BTC: variants seen among roughly 807,000 people sequenced by gnomAD.
BTC encodes the protein betacellulin, also known as probetacellulin.
BTC carries 13 observed loss-of-function variants against 18.1 expected under a neutral mutation model. That is an observed-to-expected ratio of 0.72 (90% CI 0.47 to 1.14). BTC has a LOEUF of 1.14. BTC is among the 50% of genes most tolerant of loss of function. The pLI, the probability that BTC is intolerant of heterozygous loss-of-function variation, is 0.00. For synonymous variants in BTC, 83 were observed against 79.4 expected (o/e 1.05, Z -0.24); for missense variants, 247 against 224.2 (o/e 1.10, Z -0.65).
intron 3 of BTC, among the ~76,000 whole-genome samples, chr4:74,753,139 G>A (rs1724508503): frequency 6.6e-6 from 1 of 152,116 alleles, no homozygotes. Context: ...ATTAAATGGT[G>A]ACTAAGTGGG....
Position 74,766,982 on chromosome 4 carries a change from A to T in BTC, c.163+3076T>A, listed in dbSNP as rs1487602678. Among the ~76,000 whole-genome samples the T allele has an allele frequency of 2.0e-5, 3 of 152,094 alleles. No homozygotes were observed. The South Asian group carries it at 6.2e-4, about 32-fold the overall frequency. The stretch of plus-strand genomic sequence containing the variant: ...CTAACATGGTACTTAATGGTAAAAA[A>T]TTAGAAAGCTTTTCCTCCAAGATCA... On this transcript the variant is annotated intron_variant, in intron 2 of 5. Transcript: ENST00000395743.
chr4:74,751,534 C>A (rs1488673755), intron 3 of BTC, among the ~76,000 whole-genome samples: 24 of 152,188 alleles, frequency 1.6e-4, no homozygotes. Flanking sequence ...AATCAACAGT[C>A]TCTCTTCATT....
chr4:74,780,631 C>G (rs1334523709), intron 1 of BTC, among the ~76,000 whole-genome samples: 1 of 152,074 alleles, frequency 6.6e-6, no homozygotes, highest in Non-Finnish European at 1.5e-5. Context: ...TTTATTTTTA[C>G]CCTTCATAGT....
chr4:74,778,077 T>A (rs74503358), intron 1 of BTC, among the ~76,000 whole-genome samples: 4,823 of 151,890 alleles, frequency 0.032, 242 homozygotes, highest in African/African-American at 0.11. Context: ...TAACACTGAG[T>A]TTGTGGTTAG....
intron 2 of BTC, among the ~76,000 whole-genome samples, chr4:74,765,384 AAGAC>A (rs1310434777): frequency 6.6e-5 from 10 of 152,236 alleles, no homozygotes; most frequent in South Asian, 2.1e-4. Context: ...TGTCAAGCGA[AAGAC>A]AGAATCAGCA....
At chr4:74,766,018 T>G (rs989050881) in intron 2 of BTC, among the ~76,000 whole-genome samples, 3 of 152,156 alleles carry the variant, frequency 2.0e-5, no homozygotes, top group African/African-American at 4.8e-5. Context: ...TACTGAATAC[T>G]GTAAGCAATC....
chr4:74,756,022 T>C (rs201624037), intron 2 of BTC, 46 bp from the exon 3 acceptor site: 2 of 1,409,562 alleles, frequency 1.4e-6, no homozygotes, highest in Admixed American at 1.7e-5. Context: ...CTTTAAATAT[T>C]CACTTGTAAA....
Position 74,770,084 on chromosome 4 carries a change from C to T in BTC, c.137G>A (p.Cys46Tyr), listed in dbSNP as rs571393814. Residue 46 changes from cysteine (C) to tyrosine (Y), a missense_variant, in exon 2 of 6, where the codon TGT becomes TAT. Cys to Tyr is a radical substitution (Grantham distance 194). Transcript: ENST00000395743. ...TRSPETNGLL[C>Y]GDPEENCAAT... ...TGCACAGTTTTCCTCAGGGTCTCCA[C>T]AGAGGAGGCCATTAGTTTCAGGACT... The T allele has an allele frequency of 1.2e-6, 2 of 1,613,144 alleles. No homozygotes were observed. The highest frequency in any genetic ancestry group is 1.1e-5 in the South Asian group (1 of 90,956).
intron 3 of BTC, among the ~76,000 whole-genome samples, chr4:74,753,827 G>T (rs55713153): frequency 3.9e-5 from 5 of 128,832 alleles, no homozygotes; most frequent in Admixed American, 7.7e-5. Flanking sequence ...TCCAAAAAAA[G>T]AAAAAAAAAA....
chr4:74,788,127 AG>A (rs1725529843), intron 1 of BTC, among the ~76,000 whole-genome samples: 1 of 152,202 alleles, frequency 6.6e-6, no homozygotes, highest in Non-Finnish European at 1.5e-5. Flanking sequence ...TCCAATTCCT[AG>A]GATATCCTGC....
intron 2 of BTC, among the ~76,000 whole-genome samples, chr4:74,769,384 AC>A (rs1724981944): frequency 6.6e-6 from 1 of 152,156 alleles, no homozygotes; most frequent in African/African-American, 2.4e-5. Context: ...TGTTTCTCTA[AC>A]TAAAGTTTTA....
chr4:74,792,896 C>T (rs1227212047), intron 1 of BTC, among the ~76,000 whole-genome samples: 1 of 152,218 alleles, frequency 6.6e-6, no homozygotes, highest in African/African-American at 2.4e-5. Flanking sequence ...GCTTGCATAT[C>T]CAAATTCAGT....
At chr4:74,779,886 A>C (rs7655399) in intron 1 of BTC, among the ~76,000 whole-genome samples, 27,240 of 152,106 alleles carry the variant, frequency 0.18, 4,056 homozygotes, top group African/African-American at 0.41. Context: ...ATATAAATAA[A>C]GAAATATTAG....
At chr4:74,774,693 G>A (rs1393608164) in intron 1 of BTC, among the ~76,000 whole-genome samples, 1 of 145,294 alleles carries the variant, frequency 6.9e-6, no homozygotes, top group Non-Finnish European at 1.5e-5. Context: ...GAGGGTGGGT[G>A]GGGATTGTGA....
chr4:74,751,669 C>G (rs1456299778), intron 3 of BTC, among the ~76,000 whole-genome samples: 1 of 152,096 alleles, frequency 6.6e-6, no homozygotes, highest in Non-Finnish European at 1.5e-5. Context: ...GAGTAACATC[C>G]AGGGAGCTAA....
At chr4:74,756,548 GA>G (rs1345822976) in intron 2 of BTC, among the ~76,000 whole-genome samples, 1 of 152,170 alleles carries the variant, frequency 6.6e-6, no homozygotes, top group Non-Finnish European at 1.5e-5. Flanking sequence ...ATAGAAAGTG[GA>G]AAAACTGGGA....
intron 4 of BTC, 37 bp from the exon 5 acceptor site, chr4:74,748,186 G>A (rs375081930): frequency 6.4e-6 from 8 of 1,256,592 alleles, no homozygotes; most frequent in Non-Finnish European, 9.1e-6. Context: ...TATGGGCCTA[G>A]TAGTTCATGC....
chr4:74,748,197 G>A (rs781872083), intron 4 of BTC, 48 bp from the exon 5 acceptor site: 4 of 1,138,750 alleles, frequency 3.5e-6, no homozygotes, highest in East Asian at 2.4e-5. Context: ...TAGTTCATGC[G>A]AACACAAAAT....
In BTC at chr4:74,781,490, C is replaced by T. The variant is rs555979555; in HGVS notation, c.65-11334G>A. On this transcript the variant is annotated intron_variant, in intron 1 of 5. Coordinates refer to ENST00000395743, the MANE Select transcript of BTC (RefSeq NM_001729.4). Reference sequence around the variant, plus strand: ...GTAATTTCCTCATAGCTCACTCAAGCGTGGCCTCTTCTTTAGCCTCATCCT... The same window carrying T: ...GTAATTTCCTCATAGCTCACTCAAGTGTGGCCTCTTCTTTAGCCTCATCCT... Among the ~76,000 whole-genome samples, 7 of 151,804 alleles carry T rather than the reference C, an allele frequency of 4.6e-5. 1 individual carries two copies. The highest frequency in any genetic ancestry group is 4.2e-4 in the South Asian group (2 of 4,808).
Sources: gnomAD v4.1 joint callset for allele counts (sites outside exome capture counted in the v4.1 genomes callset) on GRCh38, gnomAD v4.1.1 for gene constraint, MANE v1.5 for transcripts, NCBI Gene and HGNC (gene_info 2026-07-23, HGNC 2026-07-21) for gene names.